SAMD5: variants seen among roughly 807,000 people sequenced by gnomAD.
SAMD5 encodes the protein sterile alpha motif domain containing 5.
A neutral mutation model predicts 11.3 loss-of-function variants in SAMD5; 13 were observed. The ratio of observed to expected loss-of-function variants is 1.15; its 90% CI spans 0.75 to 1.83. The LOEUF (loss-of-function observed/expected upper bound fraction) is 1.83. Among genes scored for constraint, SAMD5 ranks in the 40% most tolerant of loss-of-function variants. The pLI, the probability that SAMD5 is intolerant of heterozygous loss-of-function variation, is 0.00. For synonymous variants in SAMD5, 129 were observed against 111.3 expected, an observed-to-expected ratio of 1.16 and a Z score of -1.00; for missense variants, 255 against 239.1, an observed-to-expected ratio of 1.07 and a Z score of -0.44.
the SAMD5 span, among the ~76,000 whole-genome samples, chr6:147,844,593 G>T: frequency 6.6e-6 from 1 of 151,922 alleles, no homozygotes; most frequent in African/African-American, 2.4e-5. Context: ...CAACCTACAT[G>T]CTCATCAGTG....
At chr6:147,902,357 T>C in the SAMD5 span, among the ~76,000 whole-genome samples, 1 of 152,172 alleles carries the variant, frequency 6.6e-6, no homozygotes, top group African/African-American at 2.4e-5. Flanking sequence ...GACCTTGATT[T>C]AGTTTTGAAA....
intron 1 of SAMD5, among the ~76,000 whole-genome samples, chr6:147,521,766 A>C (rs1328003401): frequency 6.6e-6 from 1 of 152,126 alleles, no homozygotes; most frequent in Non-Finnish European, 1.5e-5. Context: ...TCTCAATGTG[A>C]AGACCTTATC....
Position 147,677,742 on chromosome 6 carries a change from A to T in SAMD5, c.163-59575A>T, listed in dbSNP as rs968283990. ...CATGGGACATCGGCACTGTAAAGGG[A>T]TGGGGAGGTTAGAGGGTGTATGGTG... On this transcript the variant is annotated intron_variant, in intron 1 of 1. Transcript: ENST00000566741. Among the ~76,000 whole-genome samples, 7 of 151,970 alleles carry T rather than the reference A, an allele frequency of 4.6e-5. No homozygotes were observed. The East Asian group carries it at 7.8e-4, about 17-fold the overall frequency.
At chr6:147,759,045 G>C in the SAMD5 span, among the ~76,000 whole-genome samples, 2 of 152,138 alleles carry the variant, frequency 1.3e-5, no homozygotes, top group African/African-American at 4.8e-5. Flanking sequence ...TAAGCCAATG[G>C]AATTAAAATC....
At chr6:147,896,353 A>G in the SAMD5 span, among the ~76,000 whole-genome samples, 1 of 150,736 alleles carries the variant, frequency 6.6e-6, no homozygotes, top group African/African-American at 2.4e-5. Context: ...TAAGGACTGG[A>G]CTCTGAGCTG....
At chr6:147,932,850 A>G in the SAMD5 span, among the ~76,000 whole-genome samples, 20,586 of 152,130 alleles carry the variant, frequency 0.14, 1,703 homozygotes, top group African/African-American at 0.22. Context: ...TAGCCATTCG[A>G]TGACTGATGT....
At chr6:147,684,951 A>C (rs1407504839) in intron 1 of SAMD5, among the ~76,000 whole-genome samples, 1 of 152,226 alleles carries the variant, frequency 6.6e-6, no homozygotes, top group Non-Finnish European at 1.5e-5. Flanking sequence ...AGTTCACTGT[A>C]ATTTAAAGCA....
chr6:147,916,772 G>T, the SAMD5 span, among the ~76,000 whole-genome samples: 1 of 139,528 alleles, frequency 7.2e-6, no homozygotes, highest in Non-Finnish European at 1.5e-5. Context: ...TGTTCTCATT[G>T]TTCAATTCCC....
the SAMD5 span, among the ~76,000 whole-genome samples, chr6:147,885,886 T>G: frequency 6.6e-6 from 1 of 152,228 alleles, no homozygotes; most frequent in Non-Finnish European, 1.5e-5. Flanking sequence ...ACAGCCAAGA[T>G]GATTTCATGG....
At chr6:147,618,348 G>C (rs1190859568) in intron 1 of SAMD5, among the ~76,000 whole-genome samples, 1 of 152,172 alleles carries the variant, frequency 6.6e-6, no homozygotes, top group African/African-American at 2.4e-5. Flanking sequence ...GTGTTGGGGG[G>C]AGTCTCATGA....
At chr6:147,867,949 A>T in the SAMD5 span, among the ~76,000 whole-genome samples, 3 of 152,332 alleles carry the variant, frequency 2.0e-5, no homozygotes, top group African/African-American at 7.2e-5. Flanking sequence ...AGAATGTTTT[A>T]AAAAAGATTC....
At chr6:147,597,633 A>G (rs530406318) in intron 1 of SAMD5, among the ~76,000 whole-genome samples, 136 of 152,352 alleles carry the variant, frequency 8.9e-4, no homozygotes, top group Middle Eastern at 3.4e-3. Flanking sequence ...ATTTATTTCA[A>G]TAAAGCAAGA....
At chr6:147,717,586 G>C (rs1210324215) in intron 1 of SAMD5, among the ~76,000 whole-genome samples, 1 of 152,190 alleles carries the variant, frequency 6.6e-6, no homozygotes, top group East Asian at 1.9e-4. Context: ...CCTTCCATCT[G>C]TGCTGGTTTG....
chr6:147,620,714 G>A (rs1447385338), intron 1 of SAMD5, among the ~76,000 whole-genome samples: 1 of 152,146 alleles, frequency 6.6e-6, no homozygotes, highest in Non-Finnish European at 1.5e-5. Context: ...AGTAGCCATC[G>A]CCTCTGCTGG....
intron 1 of SAMD5, among the ~76,000 whole-genome samples, chr6:147,522,636 T>A (rs1295916737): frequency 1.3e-5 from 2 of 152,356 alleles, no homozygotes; most frequent in Middle Eastern, 3.4e-3. Flanking sequence ...CCATTATACA[T>A]TCTTTTACAC....
the SAMD5 span, among the ~76,000 whole-genome samples, chr6:147,914,679 A>G: frequency 2.7e-4 from 41 of 152,168 alleles, no homozygotes; most frequent in Non-Finnish European, 5.3e-4. Context: ...ATTGACTTAC[A>G]ATATCTCTCC....
At chr6:147,855,578 G>A in the SAMD5 span, among the ~76,000 whole-genome samples, 1 of 152,130 alleles carries the variant, frequency 6.6e-6, no homozygotes, top group East Asian at 1.9e-4. Flanking sequence ...ATAAAATAAG[G>A]CATTGCACTA....
At chr6:147,891,789 CA>C in the SAMD5 span, among the ~76,000 whole-genome samples, 769 of 147,570 alleles carry the variant, frequency 5.2e-3, 5 homozygotes, top group African/African-American at 0.018. Flanking sequence ...TAAATTAAAA[CA>C]AAAAAAAAAC....
chr6:147,870,792 A>T, the SAMD5 span, among the ~76,000 whole-genome samples: 1 of 112,882 alleles, frequency 8.9e-6, no homozygotes. Flanking sequence ...AAAAGAAAAA[A>T]GGGAAGAGGG....
Sources: gnomAD v4.1 joint callset for allele counts (sites outside exome capture counted in the v4.1 genomes callset) on GRCh38, gnomAD v4.1.1 for gene constraint, MANE v1.5 for transcripts, NCBI Gene and HGNC (gene_info 2026-07-23, HGNC 2026-07-21) for gene names.